Variants in WASF1 observed in about 807,000 individuals in gnomAD.
WASF1 encodes WASP family member 1.
A neutral mutation model predicts 50.5 loss-of-function variants in WASF1; 7 were observed. The ratio of observed to expected loss-of-function variants is 0.14; its 90% CI spans 0.08 to 0.26. The LOEUF (loss-of-function observed/expected upper bound fraction) is 0.26, where lower values mean the gene tolerates loss of function less well. WASF1 is among the 10% of genes least tolerant of loss of function. The pLI is 1.00. For synonymous variants in WASF1, 205 were observed against 244.0 expected, an observed-to-expected ratio of 0.84 and a Z score of 1.49; for missense variants, 470 against 694.7, an observed-to-expected ratio of 0.68 and a Z score of 3.64.
Position 110,123,250 on chromosome 6 carries a change from C to T in WASF1, c.133+4219G>A, listed in dbSNP as rs887968869. Among the ~76,000 whole-genome samples, 73 of 151,508 alleles carry T rather than the reference C, an allele frequency of 4.8e-4. 2 individuals carry two copies. Among genetic ancestry groups the T allele is most frequent in the Middle Eastern group, 3.4e-3 (1 of 290 alleles). On this transcript the variant is annotated intron_variant, in intron 4 of 10. Coordinates refer to ENST00000392589, the MANE Select transcript of WASF1 (RefSeq NM_003931.3). ...AGCAGAACCCAAGATTCATCAAAGA[C>T]CTAGAAGATTATCTGTCCCAGGGAT...
At chr6:110,121,543 G>A (rs1162046377) in intron 4 of WASF1, among the ~76,000 whole-genome samples, 5 of 152,210 alleles carry the variant, frequency 3.3e-5, no homozygotes, top group Admixed American at 6.5e-5. Context: ...AACAGATGCT[G>A]GAGAGGATGT....
At chr6:110,151,836 A>G (rs748108100) in intron 3 of WASF1, among the ~76,000 whole-genome samples, 3 of 152,224 alleles carry the variant, frequency 2.0e-5, no homozygotes, top group Non-Finnish European at 2.9e-5. Flanking sequence ...CCCACTGGAC[A>G]TGGAAATGCT....
chr6:110,113,628 T>C (rs1207966308), intron 4 of WASF1, among the ~76,000 whole-genome samples, 168 bp from the exon 5 acceptor site: 2 of 152,140 alleles, frequency 1.3e-5, no homozygotes, highest in Non-Finnish European at 2.9e-5. Flanking sequence ...GAATTTGGAA[T>C]TTATTTGGAA....
At chr6:110,148,121 A>C (rs984420033) in intron 3 of WASF1, among the ~76,000 whole-genome samples, 1 of 152,204 alleles carries the variant, frequency 6.6e-6, no homozygotes, top group Non-Finnish European at 1.5e-5. Flanking sequence ...ATGCAGAACT[A>C]AGCTACTTGA....
chr6:110,172,213 A>G (rs1432934888), intron 2 of WASF1, among the ~76,000 whole-genome samples: 1 of 152,178 alleles, frequency 6.6e-6, no homozygotes, highest in Non-Finnish European at 1.5e-5. Context: ...AAATCATGCT[A>G]CTATAAAGAC....
intron 6 of WASF1, among the ~76,000 whole-genome samples, chr6:110,107,738 T>C (rs780060530): frequency 6.6e-6 from 1 of 152,198 alleles, no homozygotes; most frequent in African/African-American, 2.4e-5. Context: ...ACATTACCCA[T>C]TTAACAAACC....
chr6:110,141,987 C>T (rs193155318), intron 3 of WASF1, among the ~76,000 whole-genome samples: 2 of 152,164 alleles, frequency 1.3e-5, no homozygotes, highest in African/African-American at 4.8e-5. Context: ...AGGCTGGTCT[C>T]GAACTCCCGA....
At chr6:110,151,533 G>C in intron 3 of WASF1, among the ~76,000 whole-genome samples, 1 of 152,122 alleles carries the variant, frequency 6.6e-6, no homozygotes, top group East Asian at 1.9e-4. Flanking sequence ...AGAATTCCAA[G>C]ATTGGTCTAA....
At chr6:110,159,103 T>C (rs1385468887) in intron 3 of WASF1, among the ~76,000 whole-genome samples, 1 of 151,966 alleles carries the variant, frequency 6.6e-6, no homozygotes, top group African/African-American at 2.4e-5. Context: ...TCTCCGTATG[T>C]CCCATAGCAA....
At chr6:110,105,298 T>C in intron 8 of WASF1, 109 bp downstream of exon 8, 1 of 1,137,502 alleles carries the variant, frequency 8.8e-7, no homozygotes, top group African/African-American at 1.6e-5. Flanking sequence ...TCTATATTTA[T>C]AACAGGGTCT....
At chr6:110,111,487 C>A (rs1323153926) in intron 5 of WASF1, among the ~76,000 whole-genome samples, 1 of 151,856 alleles carries the variant, frequency 6.6e-6, no homozygotes, top group African/African-American at 2.4e-5. Flanking sequence ...ACGAATAATA[C>A]AAATTATAAA....
intron 3 of WASF1, among the ~76,000 whole-genome samples, chr6:110,140,517 G>A (rs1425593453): frequency 6.6e-6 from 1 of 152,100 alleles, no homozygotes; most frequent in Non-Finnish European, 1.5e-5. Flanking sequence ...CTCAAGAGGT[G>A]GCAGTCTTGT....
chr6:110,145,072 T>C (rs1583995583), intron 3 of WASF1, among the ~76,000 whole-genome samples: 2 of 152,200 alleles, frequency 1.3e-5, no homozygotes, highest in South Asian at 2.1e-4. Context: ...TTCACGAAAC[T>C]GTTTCTTCCT....
At chr6:110,104,789 AAAAC>A (rs916052976) in intron 8 of WASF1, among the ~76,000 whole-genome samples, 15 of 152,202 alleles carry the variant, frequency 9.9e-5, no homozygotes, top group East Asian at 1.9e-4. Flanking sequence ...ATTCTGTCTC[AAAAC>A]AAACAAACAA....
chr6:110,108,840 A>G (rs1006412880), intron 5 of WASF1, among the ~76,000 whole-genome samples, 159 bp from the exon 6 acceptor site: 1 of 152,198 alleles, frequency 6.6e-6, no homozygotes, highest in Non-Finnish European at 1.5e-5. Flanking sequence ...ATGTTCTATC[A>G]TTATATTTAC....
chr6:110,153,731 T>C (rs916816328), intron 3 of WASF1, among the ~76,000 whole-genome samples: 9 of 151,702 alleles, frequency 5.9e-5, no homozygotes, highest in Non-Finnish European at 1.3e-4. Flanking sequence ...TAGTAAAACC[T>C]GGTTTCTACA....
intron 2 of WASF1, among the ~76,000 whole-genome samples, chr6:110,172,439 T>C (rs1458613227): frequency 6.6e-6 from 1 of 151,996 alleles, no homozygotes; most frequent in Non-Finnish European, 1.5e-5. Flanking sequence ...AATTGATAAA[T>C]TTGTAGTTGT....
At chr6:110,132,987 C>CACACACACACA (rs201651815) in intron 3 of WASF1, among the ~76,000 whole-genome samples, 10 of 141,774 alleles carry the variant, frequency 7.1e-5, no homozygotes, top group South Asian at 2.3e-4. Context: ...CACACACACA[C>CACACACACACA]CATGGAATAC....
At chr6:110,141,771 T>C (rs186587331) in intron 3 of WASF1, among the ~76,000 whole-genome samples, 1 of 151,154 alleles carries the variant, frequency 6.6e-6, no homozygotes, top group Non-Finnish European at 1.5e-5. Context: ...CATACACTTA[T>C]CTTTTTTTTT....
Sources: allele counts gnomAD v4.1 joint callset (sites outside exome capture counted in the v4.1 genomes callset), GRCh38; gene constraint gnomAD v4.1.1; transcripts MANE v1.5; gene names NCBI Gene and HGNC (gene_info 2026-07-23, HGNC 2026-07-21).